The following DDX11 variants were observed in gnomAD, a reference collection of about 807,000 sequenced individuals.
The protein encoded by DDX11 is ATP-dependent DNA helicase DDX11.
Under a neutral mutation model 125.2 loss-of-function variants are expected in DDX11, and 72 were observed. The ratio of observed to expected loss-of-function variants is 0.58; its 90% CI spans 0.48 to 0.70. DDX11 has a LOEUF of 0.70. Ranked by LOEUF, DDX11 falls within the 30% of genes least tolerant of loss-of-function variation. The probability of loss-of-function intolerance (pLI) is 0.00; values close to 1 mark genes in which losing one functional copy is unlikely to be tolerated. For synonymous variants in DDX11, 347 were observed against 452.6 expected (o/e 0.77, Z 2.96); for missense variants, 883 against 1,165.0 (o/e 0.76, Z 3.52).
At position 31,084,666 on chromosome 12, in the gene DDX11, C is replaced by T. The variant is rs1266542922; in HGVS notation, c.477C>T (p.Arg159=). ...HRVQLKYAAK[R]LRQEEEEREN... ...TGCAGCTCAAGTATGCAGCCAAGCGCCTGGTGAGCCTCATTTCTTGGGGGG... is the reference window on the plus strand; with the variant it reads ...TGCAGCTCAAGTATGCAGCCAAGCGTCTGGTGAGCCTCATTTCTTGGGGGG... The change falls in exon 4 of 27, where the codon CGC becomes CGT. Residue 159 remains arginine (R), a synonymous_variant. Transcript: ENST00000542838. 6.3e-7 allele frequency: 1 copy of T among 1,582,820 alleles called. No homozygotes were observed. The highest frequency in any genetic ancestry group is 1.1e-5 in the South Asian group (1 of 87,544).
At chr12:31,093,772 ATTCTTG>A (rs1944713349) in intron 12 of DDX11, 1 of 197,094 alleles carries the variant, frequency 5.1e-6, no homozygotes, top group African/African-American at 2.6e-5. Context: ...GATTTAGAAA[ATTCTTG>A]TTCTTTGTAG....
At chr12:31,096,214 A>T in intron 14 of DDX11, 127 bp from the exon 15 acceptor site, 3 of 1,164,784 alleles carry the variant, frequency 2.6e-6, no homozygotes, top group Non-Finnish European at 3.7e-6. Context: ...AGGAGGCTCC[A>T]GGTGCCTCAG....
At chr12:31,079,573 C>CTTA (rs1212210726) in intron 2 of DDX11, among the ~76,000 whole-genome samples, 23 of 148,834 alleles carry the variant, frequency 1.5e-4, no homozygotes, top group Non-Finnish European at 2.5e-4. Flanking sequence ...GGGCTGCTCC[C>CTTA]TTATGGCTGC....
At position 31,101,025 on chromosome 12, in the gene DDX11, A is replaced by G. The variant is rs768557772; in HGVS notation, c.1949-2A>G. ...TTTCGGCCCCTCCCTGGCTCTTACC[A>G]GGTCACGTGATCCCTCCAGACAACA... On this transcript the variant is annotated splice_acceptor_variant, in intron 19 of 26. Transcript: ENST00000542838. LOFTEE classifies it high-confidence loss of function. 1 of 1,613,298 alleles carries G rather than the reference A, an allele frequency of 6.2e-7. No homozygotes were observed. Among genetic ancestry groups the G allele is most frequent in the East Asian group, 2.2e-5 (1 of 44,854 alleles).
chr12:31,099,088 T>C (rs1164030513), intron 18 of DDX11, among the ~76,000 whole-genome samples: 20 of 109,784 alleles, frequency 1.8e-4, no homozygotes, highest in Admixed American at 4.5e-4. Flanking sequence ...TTCTTTCTTT[T>C]TTTTTTTTTT....
At chr12:31,075,461 C>T (rs1444939379) in intron 1 of DDX11, among the ~76,000 whole-genome samples, 1 of 152,034 alleles carries the variant, frequency 6.6e-6, no homozygotes, top group South Asian at 2.1e-4. Context: ...AGTTCAAGCA[C>T]TTGCTGAGTG....
At chr12:31,101,263 C>G in intron 20 of DDX11, 133 bp downstream of exon 20, 1 of 773,486 alleles carries the variant, frequency 1.3e-6, no homozygotes, top group Non-Finnish European at 2.3e-6. Flanking sequence ...CGCTTAGAGC[C>G]ACACAGAATG....
At position 31,095,274 on chromosome 12, in the gene DDX11, C is replaced by T. The variant is rs1180308922; in HGVS notation, c.1482+452C>T. 5.9e-5 allele frequency among the ~76,000 whole-genome samples: 9 copies of T among 152,220 alleles called. No homozygotes were observed. In the East Asian group the frequency reaches 1.7e-3, roughly 29 times the overall value. On this transcript the variant is annotated intron_variant, in intron 14 of 26. Transcript: ENST00000542838. ...GCCACTGCCGCCTGAACCCCAAGCT[C>T]GTAACTCAAATCAGCAACAGTGACT...
chr12:31,092,155 C>T (rs1047964864), intron 10 of DDX11, among the ~76,000 whole-genome samples: 3 of 152,176 alleles, frequency 2.0e-5, no homozygotes, highest in Non-Finnish European at 4.4e-5. Context: ...AGGGAGATGG[C>T]ATGTGTGAGG....
chr12:31,075,800 G>A (rs1659246106), intron 1 of DDX11, among the ~76,000 whole-genome samples: 1 of 152,222 alleles, frequency 6.6e-6, no homozygotes, highest in South Asian at 2.1e-4. Context: ...TCTATTTATG[G>A]AACGTATATT....
At position 31,078,465 on chromosome 12, in the gene DDX11, A is replaced by G. The variant is rs1726103123; in HGVS notation, c.72A>G (p.Glu24=). ...CCTTCACACCCTATTCCATCCAGGA[A>G]GACTTCATGGCAGAGCTGTACCGGG... The part of the protein sequence containing the change: ...PFPFTPYSIQ[E]DFMAELYRVL... Residue 24 remains glutamate (E), a synonymous_variant, in exon 2 of 27, where the codon GAA becomes GAG. Coordinates refer to ENST00000542838, the MANE Select transcript of DDX11 (RefSeq NM_030653.4). The G allele has an allele frequency of 1.2e-6, 2 of 1,611,442 alleles. No individual in the cohort carries two copies. Among genetic ancestry groups the G allele is most frequent in the Non-Finnish European group, 1.7e-6 (2 of 1,179,434 alleles).
At chr12:31,083,776 G>A (rs1022572513) in intron 2 of DDX11, 37 bp from the exon 3 acceptor site, 4 of 1,607,726 alleles carry the variant, frequency 2.5e-6, no homozygotes, top group Non-Finnish European at 3.4e-6. Context: ...AGGCTTTGTT[G>A]TTTTCCTGTT....
At chr12:31,101,656 G>A in intron 20 of DDX11, 177 bp from the exon 21 acceptor site, 1 of 718,400 alleles carries the variant, frequency 1.4e-6, no homozygotes, top group Non-Finnish European at 2.4e-6. Flanking sequence ...TGTGTTTGGT[G>A]GGAGGTGGCA....
rs1432402077 is a variant in DDX11 at position 31,096,375 on chromosome 12, G to A, written c.1517G>A (p.Arg506Lys). ...TACTGTGAGAAGAGCATGATCAGCAGAAAGGTAACTGCTCCCATCTTGTGG... is the reference window on the plus strand; with the variant it reads ...TACTGTGAGAAGAGCATGATCAGCAAAAAGGTAACTGCTCCCATCTTGTGG... Reference protein sequence around the residue: ...QRYCEKSMISRKLFGFTERYG... With the variant: ...QRYCEKSMISKKLFGFTERYG... The change falls in exon 15 of 27, where the codon AGA becomes AAA. Residue 506 changes from arginine (R) to lysine (K), a missense_variant. By Grantham distance (26) the Arg-to-Lys change is conservative. Coordinates refer to ENST00000542838, the MANE Select transcript of DDX11 (RefSeq NM_030653.4). 4.3e-6 allele frequency: 7 copies of A among 1,613,056 alleles called. No homozygotes were observed. Among genetic ancestry groups the A allele is most frequent in the Non-Finnish European group, 5.9e-6 (7 of 1,179,826 alleles).
At position 31,083,020 on chromosome 12, in the gene DDX11, C is replaced by T. The variant is rs3950585; in HGVS notation, c.145-793C>T. ...GTCTCATCTTAACTAATTACATTTG[C>T]GACAGTCCTATTTCCAGATCAGGCC... On this transcript the variant is annotated intron_variant, in intron 2 of 26. Coordinates refer to ENST00000542838, the MANE Select transcript of DDX11 (RefSeq NM_030653.4). Among the ~76,000 whole-genome samples the T allele has an allele frequency of 2.6e-5, 4 of 152,188 alleles. 1 individual carries two copies. Among genetic ancestry groups the T allele is most frequent in the African/African-American group, 9.6e-5 (4 of 41,530 alleles).
At chr12:31,087,705 G>T (rs2082381248) in intron 5 of DDX11, 4 of 669,634 alleles carry the variant, frequency 6.0e-6, no homozygotes, top group African/African-American at 1.8e-5. Context: ...TGGGTTGGGG[G>T]TGCTGAGCCC....
intron 1 of DDX11, among the ~76,000 whole-genome samples, chr12:31,075,313 G>A (rs900060742): frequency 2.6e-5 from 4 of 151,762 alleles, no homozygotes; most frequent in Non-Finnish European, 5.9e-5. Context: ...CGTTTCTTCT[G>A]TATTGTTTAG....
chr12:31,077,111 A>G (rs1316787712), intron 1 of DDX11: 6 of 152,160 alleles, frequency 3.9e-5, no homozygotes, highest in African/African-American at 9.7e-5. Flanking sequence ...AATATTAGTA[A>G]AATGGGTTTG....
chr12:31,099,419 CTTGACCTTTTA>C (rs1255380949), intron 18 of DDX11, among the ~76,000 whole-genome samples: 1 of 34,422 alleles, frequency 2.9e-5, no homozygotes, highest in Admixed American at 3.9e-4. Flanking sequence ...GATTTGTTTA[CTTGACCTTTTA>C]TTGTACCTCT....
Sources: gnomAD v4.1 joint callset for allele counts (sites outside exome capture counted in the v4.1 genomes callset) on GRCh38, gnomAD v4.1.1 for gene constraint, MANE v1.5 for transcripts, NCBI Gene and HGNC (gene_info 2026-07-23, HGNC 2026-07-21) for gene names.